Variants in CYP39A1 observed in about 807,000 individuals in gnomAD.
CYP39A1 encodes the protein 24-hydroxycholesterol 7-alpha-hydroxylase.
Under a neutral mutation model 58.1 loss-of-function variants are expected in CYP39A1, and 49 were observed. The ratio of observed to expected loss-of-function variants is 0.84; its 90% CI spans 0.67 to 1.07. The LOEUF is 1.07. Ranked by LOEUF, CYP39A1 falls within the 50% of genes least tolerant of loss-of-function variation. The pLI, the probability that CYP39A1 is intolerant of heterozygous loss-of-function variation, is 0.00. For missense variants in CYP39A1, 531 were observed against 539.4 expected, an observed-to-expected ratio of 0.98 and a Z score of 0.16; for synonymous variants, 209 against 187.6, an observed-to-expected ratio of 1.11 and a Z score of -0.93.
At chr6:46,585,586 T>C (rs9395203) in intron 10 of CYP39A1, among the ~76,000 whole-genome samples, 31,272 of 151,968 alleles carry the variant, frequency 0.21, 3,326 homozygotes, top group African/African-American at 0.23. Context: ...ATGATGTCCC[T>C]AAAGTAACTG....
At chr6:46,645,291 T>C (rs921749039) in intron 1 of CYP39A1, among the ~76,000 whole-genome samples, 6 of 152,212 alleles carry the variant, frequency 3.9e-5, no homozygotes, top group Non-Finnish European at 7.4e-5. Flanking sequence ...AAGTCTGTTA[T>C]CTATTTTGAG....
intron 8 of CYP39A1, among the ~76,000 whole-genome samples, chr6:46,595,121 T>C (rs559236746): frequency 1.3e-5 from 2 of 152,126 alleles, no homozygotes; most frequent in African/African-American, 4.8e-5. Flanking sequence ...ATCTATCACC[T>C]TGCTCCTGTA....
At chr6:46,618,222 G>A (rs955831395) in intron 7 of CYP39A1, among the ~76,000 whole-genome samples, 4 of 151,972 alleles carry the variant, frequency 2.6e-5, no homozygotes, top group African/African-American at 4.8e-5. Context: ...ATAACTTCAC[G>A]AGATGAGGAT....
In CYP39A1 at chr6:46,639,659, G is replaced by A; in HGVS notation, c.323C>T (p.Pro108Leu). 1.2e-6 allele frequency: 2 copies of A among 1,610,790 alleles called. No individual in the cohort carries two copies. The highest frequency in any genetic ancestry group is 1.1e-5 in the South Asian group (1 of 90,544). ...QNIVYRTASI[P>L]KNVFLALHEK... ...ATGCAGTGCTAAAAAGACATTCTTT[G>A]GAATTGATGCTATGAACAAAGAAAA... Residue 108 changes from proline to leucine, a missense_variant, in exon 3 of 12, where the codon CCA (proline) becomes CTA (leucine). By Grantham distance (98) the Pro-to-Leu change is moderately conservative. Coordinates refer to ENST00000275016, the MANE Select transcript of CYP39A1 (RefSeq NM_016593.5).
At chr6:46,577,029 A>T (rs1406119694) in intron 10 of CYP39A1, among the ~76,000 whole-genome samples, 1 of 152,208 alleles carries the variant, frequency 6.6e-6, no homozygotes, top group African/African-American at 2.4e-5. Context: ...CCAGCAATGG[A>T]GAAGGGGCAG....
At chr6:46,618,559 A>T (rs1774758376) in intron 7 of CYP39A1, among the ~76,000 whole-genome samples, 1 of 152,122 alleles carries the variant, frequency 6.6e-6, no homozygotes, top group Non-Finnish European at 1.5e-5. Flanking sequence ...TAGGCAAAAA[A>T]AATGCTTTAC....
At chr6:46,575,827 C>G (rs1332976712) in intron 10 of CYP39A1, among the ~76,000 whole-genome samples, 1 of 152,176 alleles carries the variant, frequency 6.6e-6, no homozygotes, top group Admixed American at 6.5e-5. Context: ...GAGCCTTGGG[C>G]CTCTGAAAAT....
chr6:46,597,323 G>A (rs1020983975), intron 7 of CYP39A1, among the ~76,000 whole-genome samples: 2 of 152,080 alleles, frequency 1.3e-5, no homozygotes, highest in East Asian at 1.9e-4. Context: ...TAGGAGGTAA[G>A]AGACAAGCAC....
chr6:46,596,456 C>T (rs569557915), intron 7 of CYP39A1, among the ~76,000 whole-genome samples: 1 of 152,164 alleles, frequency 6.6e-6, no homozygotes, highest in South Asian at 2.1e-4. Flanking sequence ...TGTCTAAATT[C>T]TCATTCCACT....
At chr6:46,568,710 T>A (rs566644931) in intron 10 of CYP39A1, among the ~76,000 whole-genome samples, 1 of 152,044 alleles carries the variant, frequency 6.6e-6, no homozygotes, top group Non-Finnish European at 1.5e-5. Flanking sequence ...TATTCCAGGG[T>A]CTATTTCTGG....
At chr6:46,578,530 C>T (rs932208272) in intron 10 of CYP39A1, among the ~76,000 whole-genome samples, 1 of 151,338 alleles carries the variant, frequency 6.6e-6, no homozygotes, top group South Asian at 2.1e-4. Context: ...ATTCATAGAC[C>T]ACCAGCTAGA....
intron 4 of CYP39A1, among the ~76,000 whole-genome samples, chr6:46,637,268 G>A (rs1466389624): frequency 1.3e-5 from 2 of 152,192 alleles, no homozygotes; most frequent in African/African-American, 2.4e-5. Flanking sequence ...CCTCCAGGGC[G>A]ATGAGAAATA....
chr6:46,629,066 G>A (rs1775493487), intron 6 of CYP39A1, among the ~76,000 whole-genome samples: 1 of 152,192 alleles, frequency 6.6e-6, no homozygotes, highest in Non-Finnish European at 1.5e-5. Flanking sequence ...ACCCAGTGCT[G>A]GCAATTGGCT....
chr6:46,581,766 C>A (rs766148099), intron 10 of CYP39A1, among the ~76,000 whole-genome samples: 1 of 152,072 alleles, frequency 6.6e-6, no homozygotes, highest in Admixed American at 6.6e-5. Context: ...ACATGTACCC[C>A]CCTTGAACCC....
intron 5 of CYP39A1, among the ~76,000 whole-genome samples, chr6:46,633,749 C>T (rs543184562): frequency 3.6e-4 from 55 of 151,868 alleles, no homozygotes; most frequent in Non-Finnish European, 7.4e-4. Context: ...CCCAGCTACT[C>T]GGGAGGCTGA....
At chr6:46,622,790 T>C (rs1356045310) in intron 7 of CYP39A1, among the ~76,000 whole-genome samples, 1 of 152,102 alleles carries the variant, frequency 6.6e-6, no homozygotes, top group Non-Finnish European at 1.5e-5. Context: ...CCCAAAATAA[T>C]TGGGGCTAAG....
At chr6:46,558,808 C>T (rs1034334064) in intron 10 of CYP39A1, among the ~76,000 whole-genome samples, 2 of 151,916 alleles carry the variant, frequency 1.3e-5, no homozygotes, top group Non-Finnish European at 2.9e-5. Context: ...CCAGCCTGAC[C>T]AACATGGTGA....
intron 2 of CYP39A1, 138 bp downstream of exon 2, chr6:46,642,025 T>G (rs1414480251): frequency 1.1e-6 from 1 of 920,530 alleles, no homozygotes; most frequent in Non-Finnish European, 1.7e-6. Context: ...AACTCTTTCC[T>G]CTTCTACCCA....
intron 7 of CYP39A1, among the ~76,000 whole-genome samples, chr6:46,598,864 C>T (rs981224959): frequency 6.6e-6 from 1 of 152,168 alleles, no homozygotes; most frequent in Non-Finnish European, 1.5e-5. Context: ...AAACTTAGAG[C>T]AGTGCCCGGT....
Sources: allele counts gnomAD v4.1 joint callset (sites outside exome capture counted in the v4.1 genomes callset), GRCh38; gene constraint gnomAD v4.1.1; transcripts MANE v1.5; gene names NCBI Gene and HGNC (gene_info 2026-07-23, HGNC 2026-07-21).